Variants in RFC2 observed in about 807,000 individuals in gnomAD.
RFC2 encodes the protein A1 40 kDa subunit.
Under a neutral mutation model 44.8 loss-of-function variants are expected in RFC2, and 34 were observed. The observed-to-expected ratio is 0.76, with a 90% CI of 0.58 to 1.01. The LOEUF (loss-of-function observed/expected upper bound fraction) is 1.01, where lower values mean the gene tolerates loss of function less well. Ranked by LOEUF, RFC2 falls within the 50% of genes least tolerant of loss-of-function variation. The pLI is 0.00. For synonymous variants in RFC2, 177 were observed against 168.9 expected (o/e 1.05, Z -0.37); for missense variants, 400 against 453.6 (o/e 0.88, Z 1.07).
Position 74,243,197 on chromosome 7 carries a change from A to G in RFC2, c.484T>C (p.Ser162Pro). 2 of 1,613,980 alleles carry G rather than the reference A, an allele frequency of 1.2e-6. No individual in the cohort carries two copies. The highest frequency in any genetic ancestry group is 1.7e-6 in the Non-Finnish European group (2 of 1,179,900). ...GCAAGGGCGAAGCGAGTGGTTTTAG[A>G]GTAGATTTCCATGGTTCTCCTCAAG... is the stretch of plus-strand genomic sequence containing the variant. ...QALRRTMEIY[S>P]KTTRFALACN... Residue 162 changes from serine (S) to proline (P), a missense_variant, in exon 6 of 11, where the codon TCT (serine) becomes CCT (proline). Ser to Pro is a moderately conservative substitution (Grantham distance 74). Coordinates refer to ENST00000055077, the MANE Select transcript of RFC2 (RefSeq NM_181471.3).
At chr7:74,252,098 CAAAAAAAAAAAA>C (rs140868309) in intron 2 of RFC2, among the ~76,000 whole-genome samples, 1 of 21,540 alleles carries the variant, frequency 4.6e-5, no homozygotes, top group Non-Finnish European at 8.1e-5. Context: ...GGCTCCATCT[CAAAAAAAAAAAA>C]AAAAAAAAAA....
At position 74,249,061 on chromosome 7, in the gene RFC2, C is replaced by A; in HGVS notation, c.283G>T (p.Gly95Cys). 1 of 1,614,046 alleles carries A rather than the reference C, an allele frequency of 6.2e-7. No individual in the cohort carries two copies. The highest frequency in any genetic ancestry group is 8.5e-7 in the Non-Finnish European group (1 of 1,180,004). The change falls in exon 4 of 11, where the codon GGC (glycine) becomes TGC (cysteine). Residue 95 changes from glycine (G) to cysteine (C), a missense_variant. Coordinates refer to ENST00000055077, the MANE Select transcript of RFC2 (RefSeq NM_181471.3). ...SILCLARALLGPALKDAMLEL... is the reference protein window; with the variant it reads ...SILCLARALLCPALKDAMLEL... ...AACATGGCATCTTTGAGTGCTGGGC[C>A]CAGCAGGGCCCGGGCCAAGCACAGA...
At chr7:74,250,708 C>G (rs1340237332) in intron 2 of RFC2, among the ~76,000 whole-genome samples, 2 of 152,172 alleles carry the variant, frequency 1.3e-5, no homozygotes, top group East Asian at 3.8e-4. Flanking sequence ...ATCAATGGGC[C>G]ATTAAGTGGT....
chr7:74,235,934 C>T (rs1364369405), intron 9 of RFC2, among the ~76,000 whole-genome samples: 1 of 152,210 alleles, frequency 6.6e-6, no homozygotes, highest in East Asian at 1.9e-4. Context: ...GCTGGGATTA[C>T]AGGCATGAGC....
chr7:74,250,445 G>A (rs1054955077), intron 2 of RFC2, among the ~76,000 whole-genome samples: 3 of 151,756 alleles, frequency 2.0e-5, no homozygotes, highest in African/African-American at 4.8e-5. Flanking sequence ...TACTCACCTC[G>A]GCATCTTCAA....
At chr7:74,242,744 T>A (rs1386927287) in intron 6 of RFC2, among the ~76,000 whole-genome samples, 2 of 113,916 alleles carry the variant, frequency 1.8e-5, no homozygotes, top group Non-Finnish European at 3.5e-5. Context: ...TGAAACCCCA[T>A]CTCTTAAAAA....
At chr7:74,244,247 AAC>A (rs1368924712) in intron 5 of RFC2, among the ~76,000 whole-genome samples, 77 of 151,990 alleles carry the variant, frequency 5.1e-4, no homozygotes, top group African/African-American at 1.8e-3. Flanking sequence ...CAGCCTGGGC[AAC>A]AGAGTGAGGC....
chr7:74,233,194 G>C (rs1554717511), intron 10 of RFC2, among the ~76,000 whole-genome samples: 4 of 152,122 alleles, frequency 2.6e-5, no homozygotes, highest in Non-Finnish European at 1.5e-5. Flanking sequence ...CTGGGTGACA[G>C]AGCAAGACCC....
intron 2 of RFC2, among the ~76,000 whole-genome samples, chr7:74,250,161 A>AC (rs1278554310): frequency 6.6e-6 from 1 of 151,890 alleles, no homozygotes; most frequent in Non-Finnish European, 1.5e-5. Flanking sequence ...AAAAACAAAA[A>AC]AAAAAAAACA....
At chr7:74,240,865 G>A (rs1803298371) in intron 6 of RFC2, among the ~76,000 whole-genome samples, 1 of 152,040 alleles carries the variant, frequency 6.6e-6, no homozygotes, top group African/African-American at 2.4e-5. Flanking sequence ...GCCTCAAGTA[G>A]TCTTCCTGCC....
Position 74,235,569 on chromosome 7 carries a change from A to G in RFC2, c.917T>C (p.Phe306Ser), listed in dbSNP as rs782043248. Residue 306 changes from phenylalanine (F) to serine (S), a missense_variant, in exon 10 of 11, where the codon TTC becomes TCC. Transcript: ENST00000055077. ...IGNIFRVCKTFQMAEYLKLEF... is the reference protein window; with the variant it reads ...IGNIFRVCKTSQMAEYLKLEF... ...CAGTTTCAGGTATTCTGCCATTTGGAAAGTTTTACACACTCGAAAGATGTT... is the reference window on the plus strand; with the variant it reads ...CAGTTTCAGGTATTCTGCCATTTGGGAAGTTTTACACACTCGAAAGATGTT... 1.2e-6 allele frequency: 2 copies of G among 1,613,050 alleles called. No homozygotes were observed. The highest frequency in any genetic ancestry group is 2.7e-5 in the African/African-American group (2 of 74,922).
In RFC2 at chr7:74,239,932, A is replaced by G. The variant is rs1803231284; in HGVS notation, c.693+6T>C. ...GCCCACGCCTGAATGGTAGCAGCCC[A>G]CATACCTGCCTCATGTCTCCCTGGG... is the stretch of plus-strand genomic sequence containing the variant. On this transcript the variant is annotated splice_donor_region_variant and intron_variant, in intron 7 of 10. Coordinates refer to ENST00000055077, the MANE Select transcript of RFC2 (RefSeq NM_181471.3). The G allele has an allele frequency of 6.3e-7, 1 of 1,596,220 alleles. No individual in the cohort carries two copies. The highest frequency in any genetic ancestry group is 1.1e-5 in the South Asian group (1 of 88,864).
intron 4 of RFC2, among the ~76,000 whole-genome samples, chr7:74,248,784 G>C (rs1222393490): frequency 6.6e-6 from 1 of 152,066 alleles, no homozygotes; most frequent in African/African-American, 2.4e-5. Flanking sequence ...TTACAGGTGT[G>C]AGCCACCATG....
chr7:74,237,515 A>C, intron 8 of RFC2, 73 bp from the exon 9 acceptor site: 1 of 865,784 alleles, frequency 1.2e-6, no homozygotes, highest in Non-Finnish European at 1.7e-6. Flanking sequence ...CAACAGACCG[A>C]CTTCCAGGCA....
chr7:74,234,854 T>C (rs782745165), intron 10 of RFC2, among the ~76,000 whole-genome samples: 5 of 152,138 alleles, frequency 3.3e-5, no homozygotes, highest in African/African-American at 7.2e-5. Context: ...TCATGCTACA[T>C]GTACAGCCTG....
intron 10 of RFC2, among the ~76,000 whole-genome samples, chr7:74,233,595 G>T (rs868930069): frequency 5.7e-4 from 71 of 124,438 alleles, no homozygotes; most frequent in Non-Finnish European, 5.8e-4. Flanking sequence ...GTTGTTATTG[G>T]TTTTTTTTTT....
rs1213734267 is a variant in RFC2, at chr7:74,238,689, G to A, written c.759+234C>T. Among the ~76,000 whole-genome samples, 1 of 152,132 alleles carries A rather than the reference G, an allele frequency of 6.6e-6. No individual in the cohort carries two copies. The highest frequency in any genetic ancestry group is 6.6e-5 in the Admixed American group (1 of 15,266). ...GCTCGACCCTGGGTCTGATGCATCC[G>A]TGGTCCTCCCTCACCTACCACACAC... On this transcript the variant is annotated intron_variant, in intron 8 of 10. Coordinates refer to ENST00000055077, the MANE Select transcript of RFC2 (RefSeq NM_181471.3). This position sits in a 1 kb window ranked among gnomAD's most constrained non-coding sequence, Gnocchi z 4.0.
Position 74,232,097 on chromosome 7 carries a change from G to A in RFC2, c.*9C>T. 6.5e-7 allele frequency: 1 copy of A among 1,539,604 alleles called. No homozygotes were observed. ...GGGCACCTGTAAGTCAGTCAGTGAA[G>A]TCTCTGCTCTAACTGGCCACCGGGG... is the stretch of plus-strand genomic sequence containing the variant. On this transcript the variant is annotated 3_prime_UTR_variant, in exon 11 of 11. Transcript: ENST00000055077.
chr7:74,243,730 C>T (rs1466642382), intron 5 of RFC2, among the ~76,000 whole-genome samples: 4 of 150,014 alleles, frequency 2.7e-5, no homozygotes, highest in South Asian at 2.1e-4. Context: ...AAGGCTGATG[C>T]GGGAGGACCG....
Sources: gnomAD v4.1 joint callset for allele counts (sites outside exome capture counted in the v4.1 genomes callset) on GRCh38, gnomAD v4.1.1 for gene constraint, Gnocchi (gnomAD v3.1) non-coding constraint, MANE v1.5 for transcripts, NCBI Gene and HGNC (gene_info 2026-07-23, HGNC 2026-07-21) for gene names.